The following HPSE2 variants were observed in gnomAD, a reference collection of about 807,000 sequenced individuals.
HPSE2 encodes inactive heparanase-2.
HPSE2 carries 38 observed loss-of-function variants against 60.5 expected under a neutral mutation model. The observed-to-expected ratio is 0.63, with a 90% CI of 0.48 to 0.82. The LOEUF is 0.82. Among genes scored for constraint, HPSE2 ranks in the 40% least tolerant of loss-of-function variants. The probability of loss-of-function intolerance (pLI) is 0.00; values close to 1 mark genes in which losing one functional copy is unlikely to be tolerated. For synonymous variants in HPSE2, 295 were observed against 293.2 expected, an observed-to-expected ratio of 1.01 and a Z score of -0.06; for missense variants, 713 against 740.4, an observed-to-expected ratio of 0.96 and a Z score of 0.43.
intron 2 of HPSE2, among the ~76,000 whole-genome samples, chr10:99,230,113 T>C (rs1387075905): frequency 1.3e-5 from 2 of 152,132 alleles, no homozygotes; most frequent in Non-Finnish European, 2.9e-5. Flanking sequence ...AAAACATAAA[T>C]CAAAAGGAGT....
At chr10:98,916,003 T>C (rs150249668) in intron 3 of HPSE2, among the ~76,000 whole-genome samples, 10 of 152,290 alleles carry the variant, frequency 6.6e-5, no homozygotes, top group Non-Finnish European at 1.5e-4. Flanking sequence ...AAATTCAATT[T>C]AGTTGCCCTG....
At chr10:98,933,169 G>T (rs1435866042) in intron 3 of HPSE2, among the ~76,000 whole-genome samples, 2 of 143,960 alleles carry the variant, frequency 1.4e-5, no homozygotes, top group Admixed American at 6.9e-5. Flanking sequence ...TTGTCTCTTT[G>T]TTCTAGTTGG....
At chr10:98,923,896 T>G (rs1954365768) in intron 3 of HPSE2, among the ~76,000 whole-genome samples, 1 of 152,206 alleles carries the variant, frequency 6.6e-6, no homozygotes, top group Non-Finnish European at 1.5e-5. Flanking sequence ...TCTCTGGGAT[T>G]GATCCCTGGT....
At chr10:98,744,552 AAAAC>A (rs1244365638) in intron 3 of HPSE2, among the ~76,000 whole-genome samples, 3 of 151,858 alleles carry the variant, frequency 2.0e-5, no homozygotes, top group Non-Finnish European at 4.4e-5. Flanking sequence ...ACAAAAAAAC[AAAAC>A]AAACAAAAAA....
rs544734682 is a variant in HPSE2, at chr10:98,955,697, G to A, written c.610+188541C>T. 8.2e-4 allele frequency among the ~76,000 whole-genome samples: 125 copies of A among 152,098 alleles called. 1 individual carries two copies. Among genetic ancestry groups the A allele is most frequent in the African/African-American group, 2.7e-3 (114 of 41,480 alleles). ...CACTATTCACAATAGCAAAGACATC[G>A]AATCAACCCAAATGCCCATCAATCA... On this transcript the variant is annotated intron_variant, in intron 3 of 11. Transcript: ENST00000370552.
At chr10:98,480,924 C>T (rs11189628) in intron 11 of HPSE2, among the ~76,000 whole-genome samples, 110,781 of 152,100 alleles carry the variant, frequency 0.73, 41,917 homozygotes, top group African/African-American at 0.94. Flanking sequence ...TCATTTACTT[C>T]GCTCCACAAA....
intron 11 of HPSE2, among the ~76,000 whole-genome samples, chr10:98,472,649 C>T (rs1428226095): frequency 6.6e-6 from 1 of 151,850 alleles, no homozygotes; most frequent in East Asian, 1.9e-4. Flanking sequence ...AAACAGATTC[C>T]GAGTGAATCA....
At position 98,459,028 on chromosome 10, in the gene HPSE2, G is replaced by T. The variant is rs557329160; in HGVS notation, c.*546C>A. 71 of 182,088 alleles carry T rather than the reference G, an allele frequency of 3.9e-4. No individual in the cohort carries two copies. The highest frequency in any genetic ancestry group is 1.6e-3 in the African/African-American group (68 of 42,666). 11.3% of individuals were successfully genotyped at this position (182,088 alleles called of 1,614,324 possible). A position where few individuals can be genotyped will look rare whatever the true frequency, so the allele number is the denominator to read the frequency against. ...ATCATACAAACAGCTCTCCCAGCAG[G>T]CCAGGGCTGACACACCCATTACTCC... is the stretch of plus-strand genomic sequence containing the variant. On this transcript the variant is annotated 3_prime_UTR_variant, in exon 12 of 12. Transcript: ENST00000370552.
chr10:98,514,196 T>G (rs113277472), intron 9 of HPSE2, among the ~76,000 whole-genome samples: 11 of 152,280 alleles, frequency 7.2e-5, no homozygotes, highest in African/African-American at 2.6e-4. Context: ...TGTTGTATGA[T>G]TCCACTTATA....
chr10:99,239,847 A>G (rs1298619565), upstream of HPSE2, among the ~76,000 whole-genome samples: 1 of 152,166 alleles, frequency 6.6e-6, no homozygotes, highest in Non-Finnish European at 1.5e-5. Context: ...AGCTAAAATG[A>G]CATGTCAAAA....
intron 3 of HPSE2, among the ~76,000 whole-genome samples, chr10:99,075,772 T>C (rs77530447): frequency 0.036 from 5,530 of 152,282 alleles, 302 homozygotes; most frequent in African/African-American, 0.11. Context: ...TTTATTATTA[T>C]ATAACATCTT....
chr10:99,079,780 G>A lies in HPSE2; in HGVS notation c.610+64458C>T, dbSNP rs182805712. Among the ~76,000 whole-genome samples, 422 of 152,030 alleles carry A rather than the reference G, an allele frequency of 2.8e-3. 2 individuals are homozygous for A. The highest frequency in any genetic ancestry group is 6.7e-3 in the South Asian group (32 of 4,812). The stretch of plus-strand genomic sequence containing the variant: ...ATCCATTCACTTTGTGCTGAGTTGG[G>A]GGCATGGGCTATAGTGACACTCAGT... On this transcript the variant is annotated intron_variant, in intron 3 of 11. Transcript: ENST00000370552.
intron 5 of HPSE2, among the ~76,000 whole-genome samples, chr10:98,698,279 T>C (rs1455441342): frequency 2.8e-5 from 2 of 70,188 alleles, no homozygotes; most frequent in African/African-American, 6.3e-5. Context: ...TCAGAAATTA[T>C]AACAAACTGT....
intron 3 of HPSE2, among the ~76,000 whole-genome samples, chr10:98,884,744 G>C (rs2134898360): frequency 6.6e-6 from 1 of 152,106 alleles, no homozygotes; most frequent in South Asian, 2.1e-4. Flanking sequence ...GACGGTTTCA[G>C]GGTGAAACTG....
intron 9 of HPSE2, among the ~76,000 whole-genome samples, chr10:98,526,775 T>A (rs756754150): frequency 1.3e-5 from 2 of 152,120 alleles, no homozygotes; most frequent in Admixed American, 6.5e-5. Context: ...TGGTTTTGTG[T>A]GGTCATGACT....
chr10:98,544,822 A>G (rs1320452487), intron 9 of HPSE2, among the ~76,000 whole-genome samples: 2 of 152,056 alleles, frequency 1.3e-5, no homozygotes, highest in Non-Finnish European at 2.9e-5. Context: ...AACTGAAGGA[A>G]ATAGAGACAC....
At chr10:98,887,610 A>G (rs1483135074) in intron 3 of HPSE2, among the ~76,000 whole-genome samples, 1 of 152,052 alleles carries the variant, frequency 6.6e-6, no homozygotes, top group Non-Finnish European at 1.5e-5. Flanking sequence ...CAGGGATGTG[A>G]TTTGAAGAAA....
chr10:99,311,054 T>A, the HPSE2 span, among the ~76,000 whole-genome samples: 1 of 152,216 alleles, frequency 6.6e-6, no homozygotes, highest in Non-Finnish European at 1.5e-5. Flanking sequence ...TATTTGGAGA[T>A]CTATCAATCA....
chr10:99,175,884 T>A (rs1486378612), intron 2 of HPSE2, among the ~76,000 whole-genome samples: 4 of 152,158 alleles, frequency 2.6e-5, no homozygotes, highest in African/African-American at 9.7e-5. Flanking sequence ...CCAGCTGGCA[T>A]CTGGCAGGTG....
Sources: allele counts gnomAD v4.1 joint callset (sites outside exome capture counted in the v4.1 genomes callset), GRCh38; gene constraint gnomAD v4.1.1; transcripts MANE v1.5; gene names NCBI Gene and HGNC (gene_info 2026-07-23, HGNC 2026-07-21).